Variants in CLIC5 observed in about 807,000 individuals in gnomAD.
CLIC5 encodes chloride intracellular channel protein 5.
A neutral mutation model predicts 24.7 loss-of-function variants in CLIC5; 20 were observed. The observed-to-expected ratio is 0.81, with a 90% CI of 0.57 to 1.18. CLIC5 has a LOEUF of 1.18. Among genes scored for constraint, CLIC5 ranks in the 50% most tolerant of loss-of-function variants. The pLI is 0.00. For missense variants in CLIC5, 341 were observed against 326.1 expected (o/e 1.05, Z -0.35); for synonymous variants, 159 against 135.6 (o/e 1.17, Z -1.20).
rs545114162 is a variant in CLIC5, at chr6:46,058,225, A to C, written c.540+21478T>G. Among the ~76,000 whole-genome samples the C allele has an allele frequency of 3.9e-5, 6 of 152,356 alleles. No homozygotes were observed. In the South Asian group the frequency reaches 1.2e-3, roughly 32 times the overall value. On this transcript the variant is annotated intron_variant, in intron 1 of 5. Transcript: ENST00000185206. Reference sequence around the variant, plus strand: ...ATGAATTTTAACTACCCAGAGAGATACAAAGTTGAAATTAAAATTATTTTT... The same window carrying C: ...ATGAATTTTAACTACCCAGAGAGATCCAAAGTTGAAATTAAAATTATTTTT...
At chr6:46,075,246 T>C (rs1762734364) in intron 1 of CLIC5, among the ~76,000 whole-genome samples, 1 of 152,008 alleles carries the variant, frequency 6.6e-6, no homozygotes, top group Admixed American at 6.6e-5. Context: ...CTAAAGTAGG[T>C]TTCAAATCCA....
At chr6:45,961,317 C>T (rs183871782) in intron 1 of CLIC5, among the ~76,000 whole-genome samples, 3 of 152,346 alleles carry the variant, frequency 2.0e-5, no homozygotes, top group Non-Finnish European at 4.4e-5. Context: ...AGGGCTGTAA[C>T]TGACCTCAGG....
At chr6:45,980,647 G>A in intron 1 of CLIC5, among the ~76,000 whole-genome samples, 1 of 151,556 alleles carries the variant, frequency 6.6e-6, no homozygotes, top group Middle Eastern at 3.2e-3. Flanking sequence ...AAATGCTAGT[G>A]ATAAAATGTT....
rs1042734986 is a variant in CLIC5, at chr6:45,967,344, G to A, written c.64-12100C>T. Among the ~76,000 whole-genome samples, 9 of 152,324 alleles carry A rather than the reference G, an allele frequency of 5.9e-5. No individual in the cohort carries two copies. The East Asian group carries it at 1.4e-3, about 23-fold the overall frequency. On this transcript the variant is annotated intron_variant, in intron 1 of 5. Transcript: ENST00000339561. The stretch of plus-strand genomic sequence containing the variant: ...GAGAAGCTATCACACAACAGAGGCA[G>A]CAAAAGGTAAAGACATGATGGCCAG...
intron 1 of CLIC5, among the ~76,000 whole-genome samples, chr6:46,034,605 A>T (rs1341729521): frequency 6.6e-6 from 1 of 151,998 alleles, no homozygotes; most frequent in Admixed American, 6.6e-5. Context: ...CTGTCTCTTT[A>T]AAAAAAATTA....
At chr6:46,040,610 T>C (rs546854362) in intron 1 of CLIC5, among the ~76,000 whole-genome samples, 1 of 152,004 alleles carries the variant, frequency 6.6e-6, no homozygotes, top group African/African-American at 2.4e-5. Flanking sequence ...TTGATGATGG[T>C]GGTGGTGGAT....
chr6:45,985,670 G>A (rs1765710486), intron 1 of CLIC5, among the ~76,000 whole-genome samples: 1 of 152,036 alleles, frequency 6.6e-6, no homozygotes. Context: ...ACGCGAAGTT[G>A]GGTATTTATT....
chr6:45,999,237 A>C (rs529794910), intron 1 of CLIC5, among the ~76,000 whole-genome samples: 1 of 152,340 alleles, frequency 6.6e-6, no homozygotes, highest in African/African-American at 2.4e-5. Context: ...AAAATAACAG[A>C]ATGGCAGAAA....
At chr6:46,114,930 C>A in the CLIC5 span, among the ~76,000 whole-genome samples, 10 of 152,034 alleles carry the variant, frequency 6.6e-5, no homozygotes, top group Admixed American at 6.6e-4. Flanking sequence ...CAGTGGGTGA[C>A]CAGGGCAAAA....
chr6:46,043,691 CT>C (rs1767878164), intron 1 of CLIC5, among the ~76,000 whole-genome samples: 1 of 152,176 alleles, frequency 6.6e-6, no homozygotes, highest in Admixed American at 6.5e-5. Context: ...AAAATCTGAA[CT>C]GTGGAGATGG....
At position 45,914,738 on chromosome 6, in the gene CLIC5, G is replaced by A. The variant is rs546535636; in HGVS notation, c.407-329C>T. Among the ~76,000 whole-genome samples the A allele has an allele frequency of 1.8e-4, 27 of 151,818 alleles. No homozygotes were observed. In the South Asian group the frequency reaches 1.9e-3, roughly 11 times the overall value. On this transcript the variant is annotated intron_variant, in intron 4 of 5. Coordinates refer to ENST00000339561, the MANE Select transcript of CLIC5 (RefSeq NM_016929.5). Reference sequence around the variant, plus strand: ...GAGGCCGAGGCGGGCAGATCATGACGTTAAGAGATCGAAACCACCCTAGCC... The same window carrying A: ...GAGGCCGAGGCGGGCAGATCATGACATTAAGAGATCGAAACCACCCTAGCC...
upstream of CLIC5, among the ~76,000 whole-genome samples, chr6:46,081,081 C>T (rs1423301101): frequency 2.0e-5 from 3 of 152,266 alleles, no homozygotes; most frequent in Non-Finnish European, 4.4e-5. Context: ...TTAAATGTAG[C>T]TGGAGGGCCC....
intron 1 of CLIC5, among the ~76,000 whole-genome samples, chr6:45,958,455 T>C (rs181805433): frequency 0.33 from 6,935 of 20,968 alleles, 1,142 homozygotes; most frequent in African/African-American, 0.46. Flanking sequence ...TATATATATA[T>C]ATATATATAT....
At chr6:46,026,337 G>A (rs145114211) in intron 1 of CLIC5, among the ~76,000 whole-genome samples, 5 of 152,092 alleles carry the variant, frequency 3.3e-5, no homozygotes, top group East Asian at 3.9e-4. Context: ...TATATGCATC[G>A]CTCTCCAATT....
chr6:45,935,906 C>G (rs1763913066), intron 4 of CLIC5, among the ~76,000 whole-genome samples: 1 of 152,148 alleles, frequency 6.6e-6, no homozygotes, highest in Admixed American at 6.5e-5. Context: ...TTCTCTGCAG[C>G]ATTTTATAAC....
At chr6:46,088,539 T>C in the CLIC5 span, among the ~76,000 whole-genome samples, 2 of 152,146 alleles carry the variant, frequency 1.3e-5, no homozygotes, top group Admixed American at 1.3e-4. Flanking sequence ...ATAAGAAAAA[T>C]AATCTGCATT....
Position 45,903,092 on chromosome 6 carries a change from G to T in CLIC5, c.752C>A (p.Ser251Tyr), listed in dbSNP as rs372375671. 6.2e-7 allele frequency: 1 copy of T among 1,614,030 alleles called. No homozygotes were observed. The highest frequency in any genetic ancestry group is 1.1e-5 in the South Asian group (1 of 91,078). The part of the protein sequence containing the change: ...YADVAKRLSR[S>Y] Reference sequence around the variant, plus strand: ...GATGGGGCAAAATGGCTGTGCTCAGGATCGGCTGAGGCGTTTGGCGACATC... The same window carrying T: ...GATGGGGCAAAATGGCTGTGCTCAGTATCGGCTGAGGCGTTTGGCGACATC... Residue 251 changes from serine (S) to tyrosine (Y), a missense_variant, in exon 6 of 6, where the codon TCC (serine) becomes TAC (tyrosine). Ser to Tyr is a moderately radical substitution (Grantham distance 144). Transcript: ENST00000339561.
At chr6:45,903,642 A>G (rs934838434) in intron 5 of CLIC5, among the ~76,000 whole-genome samples, 1 of 152,226 alleles carries the variant, frequency 6.6e-6, no homozygotes, top group Non-Finnish European at 1.5e-5. Context: ...AAAATGTCAT[A>G]GTGGAGGGAC....
chr6:45,887,068 C>G (rs190125451), intron 6 of CLIC5, among the ~76,000 whole-genome samples: 1 of 152,202 alleles, frequency 6.6e-6, no homozygotes, highest in Non-Finnish European at 1.5e-5. Flanking sequence ...TCTGATGATA[C>G]TTGGATGACA....
Sources: allele counts gnomAD v4.1 joint callset (sites outside exome capture counted in the v4.1 genomes callset), GRCh38; gene constraint gnomAD v4.1.1; transcripts MANE v1.5; gene names NCBI Gene and HGNC (gene_info 2026-07-23, HGNC 2026-07-21).